The following ZNF257 variants were observed in gnomAD, a reference collection of about 807,000 sequenced individuals.
The protein encoded by ZNF257 is bone marrow zinc finger 4.
In ZNF257, 12 loss-of-function variants were observed where a neutral mutation model predicts 11.9. The observed-to-expected ratio is 1.01, with a 90% CI of 0.65 to 1.63. ZNF257 has a LOEUF of 1.63. Ranked by LOEUF, ZNF257 falls within the 40% of genes most tolerant of loss-of-function variation. The pLI, the probability that ZNF257 is intolerant of heterozygous loss-of-function variation, is 0.00. For synonymous variants in ZNF257, 183 were observed against 222.7 expected (o/e 0.82, Z 1.59); for missense variants, 580 against 665.5 (o/e 0.87, Z 1.41).
chr19:22,078,264 G>T (rs2022278478), intron 3 of ZNF257, among the ~76,000 whole-genome samples: 1 of 146,750 alleles, frequency 6.8e-6, no homozygotes, highest in Non-Finnish European at 1.5e-5. Flanking sequence ...AAAAATTATA[G>T]TGGCCATTCC....
chr19:22,075,431 C>T (rs982883659), intron 3 of ZNF257: 1 of 152,320 alleles, frequency 6.6e-6, no homozygotes, highest in Non-Finnish European at 1.5e-5. Flanking sequence ...TGAACTGCTT[C>T]AGGCACCACA....
chr19:22,080,050 G>T (rs1373466893), intron 3 of ZNF257, among the ~76,000 whole-genome samples: 2 of 152,034 alleles, frequency 1.3e-5, no homozygotes, highest in South Asian at 4.1e-4. Flanking sequence ...CATGATTTTG[G>T]CTCACTGTCA....
Position 22,089,096 on chromosome 19 carries a change from A to G in ZNF257, c.1346A>G (p.His449Arg). ...AACCGGTCTTCATACCTTATTCGAC[A>G]TAAGATAATTCATACTGGAGAGAAA... ...AFNRSSYLIR[H>R]KIIHTGEKPY... Residue 449 changes from histidine to arginine, a missense_variant, in exon 4 of 4, where the codon CAT (histidine) becomes CGT (arginine). Physicochemically the swap from His to Arg is conservative, Grantham distance 29. Transcript: ENST00000594947. 1 of 1,613,948 alleles carries G rather than the reference A, an allele frequency of 6.2e-7. No individual in the cohort carries two copies. The highest frequency in any genetic ancestry group is 1.3e-5 in the African/African-American group (1 of 74,992).
chr19:22,059,347 C>G (rs1198258324), intron 1 of ZNF257, among the ~76,000 whole-genome samples: 1 of 152,146 alleles, frequency 6.6e-6, no homozygotes, highest in Non-Finnish European at 1.5e-5. Context: ...CTCTTTGTGT[C>G]TATGCATTCT....
chr19:22,071,963 C>T (rs74345880), intron 1 of ZNF257, among the ~76,000 whole-genome samples: 3,139 of 152,200 alleles, frequency 0.021, 34 homozygotes, highest in Non-Finnish European at 0.028. Context: ...TACTTGCTCT[C>T]TAGGGTGCTA....
chr19:22,077,145 C>G (rs1390607684), intron 3 of ZNF257, among the ~76,000 whole-genome samples: 1 of 152,080 alleles, frequency 6.6e-6, no homozygotes, highest in Non-Finnish European at 1.5e-5. Flanking sequence ...AAGTCCCCCT[C>G]TCTCCACACA....
intron 1 of ZNF257, chr19:22,065,856 A>G (rs2021931165): frequency 6.6e-6 from 1 of 152,216 alleles, no homozygotes; most frequent in Non-Finnish European, 1.5e-5. Flanking sequence ...TGTCAGATGT[A>G]TTTCAACATA....
intron 1 of ZNF257, among the ~76,000 whole-genome samples, chr19:22,053,783 G>A (rs1056194987): frequency 6.6e-6 from 1 of 151,960 alleles, no homozygotes; most frequent in South Asian, 2.1e-4. Context: ...AAATTAGCGG[G>A]GCGTGGTAGT....
chr19:22,087,904 ATAGGT>A, intron 3 of ZNF257, 68 bp from the exon 4 acceptor site: 2 of 1,351,472 alleles, frequency 1.5e-6, no homozygotes, highest in Non-Finnish European at 2.0e-6. Context: ...ATACAGTTTT[ATAGGT>A]TAGATTTGTA....
At chr19:22,084,582 A>G (rs2022431980) in intron 3 of ZNF257, among the ~76,000 whole-genome samples, 1 of 152,072 alleles carries the variant, frequency 6.6e-6, no homozygotes, top group East Asian at 1.9e-4. Flanking sequence ...AACAGTATAA[A>G]CATCTATACA....
intron 3 of ZNF257, among the ~76,000 whole-genome samples, chr19:22,086,397 A>G (rs922904749): frequency 6.6e-6 from 1 of 152,140 alleles, no homozygotes; most frequent in African/African-American, 2.4e-5. Context: ...AGATATTCAC[A>G]ATAATTTCTG....
At chr19:22,057,412 G>A (rs143654829) in intron 1 of ZNF257, among the ~76,000 whole-genome samples, 273 of 152,214 alleles carry the variant, frequency 1.8e-3, no homozygotes, top group African/African-American at 6.0e-3. Flanking sequence ...CCCTGCAGAT[G>A]TCCCAGCCAT....
chr19:22,063,550 T>C (rs4932951), intron 1 of ZNF257, among the ~76,000 whole-genome samples: 26,780 of 152,234 alleles, frequency 0.18, 2,689 homozygotes, highest in African/African-American at 0.24. Context: ...TCTGGTATGC[T>C]GTATCTTTAT....
intron 3 of ZNF257, among the ~76,000 whole-genome samples, chr19:22,085,311 C>G (rs1568489625): frequency 6.6e-6 from 1 of 152,036 alleles, no homozygotes; most frequent in Admixed American, 6.6e-5. Context: ...TCAGGTGATC[C>G]ACCTGCCGTG....
chr19:22,064,175 G>C (rs961595334), intron 1 of ZNF257: 2 of 151,908 alleles, frequency 1.3e-5, no homozygotes. Flanking sequence ...TCAAGAACAC[G>C]TCCAGAAAAC....
chr19:22,066,673 G>C lies in ZNF257; in HGVS notation c.4-6136G>C, dbSNP rs140410566. Among the ~76,000 whole-genome samples the C allele has an allele frequency of 6.6e-3, 999 of 152,338 alleles. 10 individuals carry two copies. Among genetic ancestry groups the C allele is most frequent in the African/African-American group, 0.022 (904 of 41,574 alleles). ...TACCTTCAGCAGGCACCAGGCTTAA[G>C]TGGCAAAACTGCCTTTTGTCATGAA... On this transcript the variant is annotated intron_variant, in intron 1 of 3. Transcript: ENST00000594947.
chr19:22,067,724 A>C (rs1042351458), intron 1 of ZNF257, among the ~76,000 whole-genome samples: 1 of 152,032 alleles, frequency 6.6e-6, no homozygotes. Flanking sequence ...AATCCCAGCT[A>C]CTTGGGATGC....
intron 3 of ZNF257, among the ~76,000 whole-genome samples, chr19:22,086,272 A>G (rs1457722846): frequency 6.6e-6 from 1 of 152,088 alleles, no homozygotes; most frequent in African/African-American, 2.4e-5. Flanking sequence ...ATAAAGCAGT[A>G]TATATTTAAT....
chr19:22,063,478 G>C (rs115878275), intron 1 of ZNF257, among the ~76,000 whole-genome samples: 2 of 152,010 alleles, frequency 1.3e-5, no homozygotes, highest in Non-Finnish European at 2.9e-5. Context: ...CTAACATTTC[G>C]ATGTGAGCAT....
Sources: gnomAD v4.1 joint callset for allele counts (sites outside exome capture counted in the v4.1 genomes callset) on GRCh38, gnomAD v4.1.1 for gene constraint, MANE v1.5 for transcripts, NCBI Gene and HGNC (gene_info 2026-07-23, HGNC 2026-07-21) for gene names.